The following MALRD1 variants were observed in gnomAD, a reference collection of about 807,000 sequenced individuals.
The protein encoded by MALRD1 is MAM and LDL-receptor class A domain-containing protein 1.
Under a neutral mutation model 242.1 loss-of-function variants are expected in MALRD1, and 247 were observed. That is an observed-to-expected ratio of 1.02 (90% CI 0.92 to 1.13). The LOEUF is 1.13. MALRD1 is among the 50% of genes most tolerant of loss of function. The probability of loss-of-function intolerance (pLI) is 0.00; values close to 1 mark genes in which losing one functional copy is unlikely to be tolerated. For synonymous variants in MALRD1, 995 were observed against 866.6 expected (o/e 1.15, Z -2.60); for missense variants, 2,989 against 2,533.1 (o/e 1.18, Z -3.86).
chr10:19,318,345 G>A (rs748768280), intron 21 of MALRD1, among the ~76,000 whole-genome samples: 3 of 151,646 alleles, frequency 2.0e-5, no homozygotes, highest in Non-Finnish European at 2.9e-5. Context: ...TTTTCAAATT[G>A]ATCTCCTGAC....
At chr10:19,124,489 C>G in intron 6 of MALRD1, 35 bp from the exon 7 acceptor site, 1 of 1,233,420 alleles carries the variant, frequency 8.1e-7, no homozygotes, top group African/African-American at 1.5e-5. Context: ...CTCTAGCAGA[C>G]TAATAGTCCA....
intron 33 of MALRD1, among the ~76,000 whole-genome samples, chr10:19,588,716 C>G (rs939009717): frequency 6.6e-6 from 1 of 152,212 alleles, no homozygotes; most frequent in Non-Finnish European, 1.5e-5. Context: ...AACCTCTGCT[C>G]ACTGCAACCT....
chr10:19,355,620 A>T (rs1046198168), intron 26 of MALRD1, among the ~76,000 whole-genome samples: 1 of 150,984 alleles, frequency 6.6e-6, no homozygotes, highest in African/African-American at 2.4e-5. Flanking sequence ...ATTCAAGCAG[A>T]TAACAAATAA....
intron 18 of MALRD1, among the ~76,000 whole-genome samples, chr10:19,238,483 TTA>T (rs1838554722): frequency 5.6e-5 from 1 of 17,812 alleles, no homozygotes; most frequent in African/African-American, 4.9e-4. Context: ...ATAATATACA[TTA>T]TATATAATAT....
chr10:19,543,433 C>CTTTTTTTTTT lies in MALRD1; in HGVS notation c.5478+12091_5478+12100dup, dbSNP rs71388849. 4.3e-3 allele frequency among the ~76,000 whole-genome samples: 454 copies of CTTTTTTTTTT among 106,410 alleles called. 41 individuals carry two copies. The highest frequency in any genetic ancestry group is 0.019 in the Middle Eastern group (3 of 156). 69.8% of individuals were successfully genotyped at this position (106,410 alleles called of 152,430 possible). A position where few individuals can be genotyped will look rare whatever the true frequency, so the allele number is the denominator to read the frequency against. ...TGTAAAAATCATGCCCAGCTGATTT[C>CTTTTTTTTTT]TTTTTTTTTTTTTTTTTTGAGAGAG... On this transcript the variant is annotated intron_variant, in intron 32 of 39. Coordinates refer to ENST00000454679, the MANE Select transcript of MALRD1 (RefSeq NM_001142308.3).
At chr10:19,273,580 A>G (rs1840359010) in intron 19 of MALRD1, among the ~76,000 whole-genome samples, 2 of 152,174 alleles carry the variant, frequency 1.3e-5, no homozygotes, top group Non-Finnish European at 2.9e-5. Flanking sequence ...AAGCTGAGAT[A>G]TGAAGGAAAT....
chr10:19,646,447 T>C (rs185028120), intron 36 of MALRD1, among the ~76,000 whole-genome samples: 1 of 152,122 alleles, frequency 6.6e-6, no homozygotes, highest in East Asian at 1.9e-4. Context: ...CTACTAAAAA[T>C]ACAAAAAATT....
Position 19,366,379 on chromosome 10 carries a change from C to T in MALRD1, c.4441+14082C>T, listed in dbSNP as rs143036135. 3.1e-3 allele frequency among the ~76,000 whole-genome samples: 472 copies of T among 152,028 alleles called. 3 individuals are homozygous for T. The highest frequency in any genetic ancestry group is 0.01 in the African/African-American group (433 of 41,466). Reference sequence around the variant, plus strand: ...GCGCTGCTGATGATCTGACAGGAGGCGGAGCTCAGGTGGTAATGTGAGTGG... The same window carrying T: ...GCGCTGCTGATGATCTGACAGGAGGTGGAGCTCAGGTGGTAATGTGAGTGG... On this transcript the variant is annotated intron_variant, in intron 26 of 39. Transcript: ENST00000454679.
Position 19,052,297 on chromosome 10 carries a change from A to G in MALRD1, c.199+3160A>G, listed in dbSNP as rs1247398014. On this transcript the variant is annotated intron_variant, in intron 1 of 39. Coordinates refer to ENST00000454679, the MANE Select transcript of MALRD1 (RefSeq NM_001142308.3). ...TTCTAGATACGTCTTGTAGACCTCA[A>G]AGTACTGGAAAGGAAGCTCCCATTC... The G allele has an allele frequency of 2.3e-5, 4 of 175,934 alleles. No homozygotes were observed. In the East Asian group the frequency reaches 6.5e-4, roughly 29 times the overall value. The allele number at this position is 175,934 out of a possible 1,614,324, so 10.9% of individuals were successfully genotyped here.
chr10:19,261,113 C>A (rs1237878468), intron 19 of MALRD1, among the ~76,000 whole-genome samples: 1 of 152,054 alleles, frequency 6.6e-6, no homozygotes, highest in African/African-American at 2.4e-5. Flanking sequence ...AAAAGAAACA[C>A]AAGTCACCAT....
At chr10:19,467,920 A>G (rs941670233) in intron 29 of MALRD1, among the ~76,000 whole-genome samples, 1 of 151,924 alleles carries the variant, frequency 6.6e-6, no homozygotes, top group Non-Finnish European at 1.5e-5. Context: ...CAGCCTCCCG[A>G]GCAGCTGAGA....
chr10:19,234,040 C>A (rs1838195830), intron 18 of MALRD1, among the ~76,000 whole-genome samples: 1 of 151,490 alleles, frequency 6.6e-6, no homozygotes, highest in Non-Finnish European at 1.5e-5. Flanking sequence ...TTTTTTAAAG[C>A]CCTGGGAAGC....
At chr10:19,673,574 T>C (rs1208392856) in intron 36 of MALRD1, among the ~76,000 whole-genome samples, 2 of 152,060 alleles carry the variant, frequency 1.3e-5, no homozygotes, top group African/African-American at 4.8e-5. Context: ...GTGCATAAGA[T>C]TTTTTGAGCT....
At chr10:19,488,881 A>C (rs1837346498) in intron 29 of MALRD1, 7 of 354,266 alleles carry the variant, frequency 2.0e-5, no homozygotes, top group South Asian at 1.5e-4. Flanking sequence ...GATTTTTGTT[A>C]AGAATACTTT....
At chr10:19,645,080 G>A (rs905917312) in intron 36 of MALRD1, among the ~76,000 whole-genome samples, 12 of 152,152 alleles carry the variant, frequency 7.9e-5, no homozygotes, top group African/African-American at 2.2e-4. Context: ...CATTTTCATA[G>A]TGTCATTATA....
intron 31 of MALRD1, among the ~76,000 whole-genome samples, chr10:19,509,065 A>G (rs1305241768): frequency 6.6e-6 from 1 of 152,194 alleles, no homozygotes; most frequent in East Asian, 1.9e-4. Context: ...AATTTTAACA[A>G]TTTAGCCTAA....
intron 39 of MALRD1, 51 bp from the exon 40 acceptor site, chr10:19,734,106 T>A: frequency 7.1e-7 from 1 of 1,406,992 alleles, no homozygotes; most frequent in South Asian, 1.3e-5. Flanking sequence ...AAGAGTTTTC[T>A]TATCTTAATG....
At chr10:19,191,522 CAA>C (rs1255286721) in intron 14 of MALRD1, among the ~76,000 whole-genome samples, 1 of 152,120 alleles carries the variant, frequency 6.6e-6, no homozygotes, top group Non-Finnish European at 1.5e-5. Flanking sequence ...AGCAAGATCT[CAA>C]AGAGATATTT....
At chr10:19,343,762 A>G (rs575083420) in intron 24 of MALRD1, among the ~76,000 whole-genome samples, 9 of 152,254 alleles carry the variant, frequency 5.9e-5, no homozygotes, top group African/African-American at 2.2e-4. Flanking sequence ...GAGCGATTGC[A>G]TCGTGTCACA....
Sources: gnomAD v4.1 joint callset for allele counts (sites outside exome capture counted in the v4.1 genomes callset) on GRCh38, gnomAD v4.1.1 for gene constraint, MANE v1.5 for transcripts, NCBI Gene and HGNC (gene_info 2026-07-23, HGNC 2026-07-21) for gene names.